Variants in ATP8B4 observed in about 807,000 individuals in gnomAD.
ATP8B4 encodes ATPase phospholipid transporting 8B4 (putative), also known as probable phospholipid-transporting ATPase IM.
ATP8B4 carries 133 observed loss-of-function variants against 145.6 expected under a neutral mutation model. That is an observed-to-expected ratio of 0.91 (90% CI 0.79 to 1.05). The LOEUF (loss-of-function observed/expected upper bound fraction) is 1.05. ATP8B4 is among the 50% of genes least tolerant of loss of function. ATP8B4 has a pLI of 0.00. For synonymous variants in ATP8B4, 507 were observed against 492.9 expected (o/e 1.03, Z -0.38); for missense variants, 1,458 against 1,425.2 (o/e 1.02, Z -0.37).
intron 1 of ATP8B4, among the ~76,000 whole-genome samples, chr15:50,157,900 G>A (rs555381658): frequency 8.6e-5 from 13 of 151,988 alleles, no homozygotes; most frequent in Admixed American, 3.9e-4. Flanking sequence ...GATTGCAGGC[G>A]CGTGCCGCCA....
rs1479196317 is a variant in ATP8B4 at position 49,952,788 on chromosome 15, TG to T, written c.1287+9188del. On this transcript the variant is annotated intron_variant, in intron 14 of 27. Coordinates refer to ENST00000284509, the MANE Select transcript of ATP8B4 (RefSeq NM_024837.4). ...GAGGTGAAGAGGTGCTCTAGCCTTT[TG>T]GGTTTTCAGCACTTTTTTTTGTTAA... is the stretch of plus-strand genomic sequence containing the variant. Among the ~76,000 whole-genome samples, 60 of 152,190 alleles carry T rather than the reference TG, an allele frequency of 3.9e-4. 1 individual carries two copies. Among genetic ancestry groups the T allele is most frequent in the Admixed American group, 3.9e-3 (59 of 15,282 alleles).
At chr15:50,175,817 C>T (rs902331304) in intron 1 of ATP8B4, among the ~76,000 whole-genome samples, 16 of 152,120 alleles carry the variant, frequency 1.1e-4, no homozygotes, top group African/African-American at 3.4e-4. Context: ...AAAAGTAGAA[C>T]TACGATTTGA....
intron 1 of ATP8B4, among the ~76,000 whole-genome samples, chr15:50,161,748 G>A (rs1250724126): frequency 1.3e-5 from 2 of 151,848 alleles, no homozygotes; most frequent in African/African-American, 4.8e-5. Context: ...TACTATCTTT[G>A]ATAGGTTCAT....
intron 1 of ATP8B4, among the ~76,000 whole-genome samples, chr15:50,173,179 C>A (rs1451899346): frequency 2.0e-5 from 3 of 152,236 alleles, no homozygotes; most frequent in Non-Finnish European, 2.9e-5. Context: ...CCGGCCGCCA[C>A]CCCGTCTGGG....
chr15:50,119,752 C>CTTTTTTTTTTTTTTTTTTTTTTTTTTTT, upstream of ATP8B4, among the ~76,000 whole-genome samples: 1 of 91,602 alleles, frequency 1.1e-5, no homozygotes. Context: ...GTTTTTGTCA[C>CTTTTTTTTTTTTTTTTTTTTTTTTTTTT]TTTTTTTTTT....
chr15:50,023,362 C>T (rs776176504), intron 6 of ATP8B4, among the ~76,000 whole-genome samples: 8 of 152,084 alleles, frequency 5.3e-5, no homozygotes, highest in Non-Finnish European at 1.2e-4. Flanking sequence ...TTGGGTAAAA[C>T]TTTTATTAGT....
At chr15:49,903,008 T>G (rs560158884) in intron 20 of ATP8B4, among the ~76,000 whole-genome samples, 7 of 152,308 alleles carry the variant, frequency 4.6e-5, no homozygotes, top group Non-Finnish European at 8.8e-5. Context: ...CTTAGGATTT[T>G]TTTCTCCTTA....
chr15:49,948,209 CG>C (rs2042744829), intron 14 of ATP8B4, among the ~76,000 whole-genome samples: 1 of 149,056 alleles, frequency 6.7e-6, no homozygotes, highest in Non-Finnish European at 1.5e-5. Context: ...GAGGTCGAGG[CG>C]GCAGATCAGG....
intron 23 of ATP8B4, among the ~76,000 whole-genome samples, chr15:49,883,812 GA>G (rs2035803888): frequency 6.6e-6 from 1 of 151,628 alleles, no homozygotes; most frequent in Non-Finnish European, 1.5e-5. Context: ...ACCCAAAGGG[GA>G]AAAAAAGGTT....
chr15:50,110,602 T>C (rs984975979), intron 1 of ATP8B4, among the ~76,000 whole-genome samples: 1 of 152,240 alleles, frequency 6.6e-6, no homozygotes, highest in Admixed American at 6.5e-5. Context: ...TTTAACCCTT[T>C]ACAAGTACTG....
At chr15:50,108,365 A>T (rs1189734387) in intron 1 of ATP8B4, among the ~76,000 whole-genome samples, 1 of 152,104 alleles carries the variant, frequency 6.6e-6, no homozygotes, top group Admixed American at 6.5e-5. Flanking sequence ...GGGGAATGGC[A>T]TCATGTCACA....
chr15:50,002,012 A>G, intron 8 of ATP8B4, 141 bp downstream of exon 8: 1 of 614,366 alleles, frequency 1.6e-6, no homozygotes, highest in East Asian at 3.5e-5. Context: ...AAATTACTGT[A>G]GAGTAATTAA....
intron 3 of ATP8B4, among the ~76,000 whole-genome samples, chr15:50,066,122 A>G (rs1031131748): frequency 6.6e-6 from 1 of 152,086 alleles, no homozygotes; most frequent in Non-Finnish European, 1.5e-5. Flanking sequence ...GATAAAAAAT[A>G]TTTATGTTTT....
At chr15:50,086,733 A>T (rs1274723252) in intron 2 of ATP8B4, among the ~76,000 whole-genome samples, 1 of 62,390 alleles carries the variant, frequency 1.6e-5, no homozygotes, top group Non-Finnish European at 2.5e-5. Context: ...TAATATAGAG[A>T]TCTATATTTA....
intron 3 of ATP8B4, among the ~76,000 whole-genome samples, chr15:50,050,632 C>T (rs533019643): frequency 6.7e-6 from 1 of 149,786 alleles, no homozygotes; most frequent in Non-Finnish European, 1.5e-5. Context: ...AAAAAAAAAA[C>T]AGGCTAAATG....
chr15:50,167,736 T>C (rs34146758), intron 1 of ATP8B4, among the ~76,000 whole-genome samples: 35,447 of 152,148 alleles, frequency 0.23, 4,748 homozygotes, highest in East Asian at 0.42. Context: ...TTGCTGTGTG[T>C]GGCTTTAAGC....
At chr15:49,864,443 G>A (rs1168327948) in intron 26 of ATP8B4, among the ~76,000 whole-genome samples, 1 of 152,164 alleles carries the variant, frequency 6.6e-6, no homozygotes, top group Non-Finnish European at 1.5e-5. Flanking sequence ...GTTGGTCACT[G>A]CGCATCTCTC....
At chr15:49,901,584 CT>C (rs1387430746) in intron 20 of ATP8B4, among the ~76,000 whole-genome samples, 1 of 152,148 alleles carries the variant, frequency 6.6e-6, no homozygotes, top group African/African-American at 2.4e-5. Context: ...TTAAGAACCA[CT>C]ATCTGGCAGG....
chr15:50,003,273 C>CTTGTGTGTGT, intron 7 of ATP8B4, among the ~76,000 whole-genome samples: 1 of 85,946 alleles, frequency 1.2e-5, no homozygotes, highest in East Asian at 5.0e-4. Flanking sequence ...ATAGGGTGTG[C>CTTGTGTGTGT]ATGTGTGTGT....
Sources: allele counts gnomAD v4.1 joint callset (sites outside exome capture counted in the v4.1 genomes callset), GRCh38; gene constraint gnomAD v4.1.1; transcripts MANE v1.5; gene names NCBI Gene and HGNC (gene_info 2026-07-23, HGNC 2026-07-21).